Variants in ENOX2 observed in about 807,000 individuals in gnomAD.
The protein encoded by ENOX2 is APK1 antigen.
A neutral mutation model predicts 45.0 loss-of-function variants in ENOX2; 36 were observed. That is an observed-to-expected ratio of 0.80 (90% CI 0.61 to 1.06). ENOX2 has a LOEUF of 1.06. ENOX2 is among the 50% of genes least tolerant of loss of function. The probability of loss-of-function intolerance (pLI) is 0.00; values close to 1 mark genes in which losing one functional copy is unlikely to be tolerated. For missense variants in ENOX2, 423 were observed against 462.5 expected (o/e 0.91, Z 0.78); for synonymous variants, 174 against 152.3 (o/e 1.14, Z -1.05).
At chrX:130,685,175 A>G (rs764849405) in intron 5 of ENOX2, among the ~76,000 whole-genome samples, 1 of 111,376 alleles carries the variant, frequency 9.0e-6, no homozygotes, top group South Asian at 3.9e-4. Context: ...CTATGATGGG[A>G]GAGTGGCTGG....
intron 10 of ENOX2, among the ~76,000 whole-genome samples, chrX:130,652,675 T>C (rs1326591982): frequency 8.9e-6 from 1 of 112,237 alleles, no homozygotes; most frequent in Non-Finnish European, 1.9e-5. Flanking sequence ...CTTTACGAGG[T>C]AGTCAAATTA....
At chrX:130,626,848 A>G (rs188833452) in intron 14 of ENOX2, among the ~76,000 whole-genome samples, 7 of 111,710 alleles carry the variant, frequency 6.3e-5, no homozygotes, top group Admixed American at 5.7e-4. Flanking sequence ...GACAGCACCT[A>G]TATTCAATGG....
intron 2 of ENOX2, among the ~76,000 whole-genome samples, chrX:130,853,482 A>G (rs1322131546): frequency 9.3e-6 from 1 of 107,915 alleles, no homozygotes; most frequent in African/African-American, 3.4e-5. Flanking sequence ...AAAAAAAAAA[A>G]AAAAGAAAGA....
intron 2 of ENOX2, among the ~76,000 whole-genome samples, chrX:130,848,920 A>C (rs1434309763): frequency 8.9e-6 from 1 of 112,342 alleles, no homozygotes; most frequent in African/African-American, 3.2e-5. Flanking sequence ...GCTGGAGAAG[A>C]TGTCCAACTG....
intron 2 of ENOX2, among the ~76,000 whole-genome samples, chrX:130,847,500 T>C (rs946407007): frequency 1.8e-5 from 2 of 111,867 alleles, no homozygotes; most frequent in African/African-American, 6.5e-5. Context: ...GTGGTATCTA[T>C]TAGGTGACCT....
In ENOX2 at chrX:130,624,913, C is replaced by T. The variant is rs1172319453; in HGVS notation, c.*401G>A. On this transcript the variant is annotated 3_prime_UTR_variant, in exon 15 of 15. Coordinates refer to ENST00000394363, the MANE Select transcript of ENOX2 (RefSeq NM_006375.4). ...CTCTCATGCCTTTCACCAGTAACAA[C>T]ATTAATGTAAAGAGAAGTTTAGAAA... is the stretch of plus-strand genomic sequence containing the variant. The T allele has an allele frequency of 1.6e-5, 2 of 124,229 alleles. No individual in the cohort carries two copies. Among genetic ancestry groups the T allele is most frequent in the African/African-American group, 6.5e-5 (2 of 30,896 alleles). 10.2% of individuals were successfully genotyped at this position (124,229 alleles called of 1,213,427 possible). A position where few individuals can be genotyped will look rare whatever the true frequency, so the allele number is the denominator to read the frequency against.
chrX:130,794,049 C>T (rs1396878103), intron 2 of ENOX2, among the ~76,000 whole-genome samples: 1 of 111,583 alleles, frequency 9.0e-6, no homozygotes, highest in Non-Finnish European at 1.9e-5. Context: ...CCTTTCTCTC[C>T]ACATCTTTTG....
chrX:130,692,993 C>T (rs140052291), intron 4 of ENOX2, among the ~76,000 whole-genome samples: 75 of 111,816 alleles, frequency 6.7e-4, no homozygotes, highest in African/African-American at 2.4e-3. Context: ...AGACTTGCAA[C>T]TCTACCATGT....
intron 3 of ENOX2, among the ~76,000 whole-genome samples, chrX:130,745,211 T>C (rs767404696): frequency 6.3e-4 from 71 of 112,099 alleles, no homozygotes; most frequent in Non-Finnish European, 1.1e-3. Context: ...AAACAGAGTC[T>C]TAAGATAGAA....
At chrX:130,660,881 A>G (rs1335909515) in intron 9 of ENOX2, among the ~76,000 whole-genome samples, 1 of 112,355 alleles carries the variant, frequency 8.9e-6, no homozygotes, top group Non-Finnish European at 1.9e-5. Flanking sequence ...TGATCTAATG[A>G]TAACTTTTTC....
intron 2 of ENOX2, among the ~76,000 whole-genome samples, chrX:130,861,922 T>G (rs919017998): frequency 9.0e-6 from 1 of 111,552 alleles, no homozygotes; most frequent in Non-Finnish European, 1.9e-5. Context: ...GTTGTACACA[T>G]GAAATACATA....
chrX:130,834,142 G>A (rs1210909455), intron 2 of ENOX2, among the ~76,000 whole-genome samples: 1 of 110,325 alleles, frequency 9.1e-6, no homozygotes, highest in Admixed American at 1.1e-4. Flanking sequence ...CCACTATAGA[G>A]CCCAACCTTT....
chrX:130,629,749 G>C (rs2035643227), intron 13 of ENOX2, among the ~76,000 whole-genome samples: 1 of 111,778 alleles, frequency 8.9e-6, no homozygotes, highest in South Asian at 3.7e-4. Flanking sequence ...GACTAGAGTG[G>C]GGCTACTGTA....
chrX:130,666,980 A>G (rs1382440139), intron 8 of ENOX2, among the ~76,000 whole-genome samples: 1 of 112,101 alleles, frequency 8.9e-6, no homozygotes, highest in Admixed American at 9.4e-5. Flanking sequence ...TTTCTTTTTA[A>G]AAATGGCCAT....
rs184472111 is a variant in ENOX2 at position 130,751,088 on chromosome X, G to C, written c.-39+32459C>G. ...CCATTTTAAAGTGAACAATTCAGTG[G>C]AATTAAGTACATTCACACTGTGCAT... On this transcript the variant is annotated intron_variant, in intron 3 of 14. Coordinates refer to ENST00000394363, the MANE Select transcript of ENOX2 (RefSeq NM_006375.4). 2.7e-5 allele frequency among the ~76,000 whole-genome samples: 3 copies of C among 111,302 alleles called. No homozygotes were observed. The Admixed American group carries it at 2.9e-4, about 11-fold the overall frequency.
At position 130,759,357 on chromosome X, in the gene ENOX2, C is replaced by T. The variant is rs141119092; in HGVS notation, c.-39+24190G>A. On this transcript the variant is annotated intron_variant, in intron 3 of 14. Coordinates refer to ENST00000394363, the MANE Select transcript of ENOX2 (RefSeq NM_006375.4). The stretch of plus-strand genomic sequence containing the variant: ...ATTTGAAAAATTAATTTTGGGAGGC[C>T]GAGGCGGTTGGACCAGCTGAGGTCA... Among the ~76,000 whole-genome samples, 577 of 108,947 alleles carry T rather than the reference C, an allele frequency of 5.3e-3. 2 individuals are homozygous for T. The highest frequency in any genetic ancestry group is 0.019 in the African/African-American group (561 of 29,935). The allele number at this position is 108,947 out of a possible 115,157, so 94.6% of individuals were successfully genotyped here.
chrX:130,669,896 A>T, intron 7 of ENOX2, 69 bp downstream of exon 7: 1 of 783,633 alleles, frequency 1.3e-6, no homozygotes, highest in Non-Finnish European at 1.9e-6. Context: ...TCAACAATGC[A>T]ATTATATTTA....
intron 3 of ENOX2, among the ~76,000 whole-genome samples, chrX:130,729,966 G>C (rs988807670): frequency 8.9e-6 from 1 of 112,222 alleles, no homozygotes; most frequent in Non-Finnish European, 1.9e-5. Flanking sequence ...AATCAACACA[G>C]GTGAAAGAGA....
intron 9 of ENOX2, among the ~76,000 whole-genome samples, chrX:130,658,333 T>C (rs747464500): frequency 1.8e-5 from 2 of 111,040 alleles, no homozygotes; most frequent in East Asian, 2.8e-4. Context: ...AACAAATGTA[T>C]CCAATCTGAA....
Sources: allele counts gnomAD v4.1 joint callset (sites outside exome capture counted in the v4.1 genomes callset), GRCh38; gene constraint gnomAD v4.1.1; transcripts MANE v1.5; gene names NCBI Gene and HGNC (gene_info 2026-07-23, HGNC 2026-07-21).